ZNF280D: variants seen among roughly 807,000 people sequenced by gnomAD.
The protein encoded by ZNF280D is zinc finger protein 280D.
A neutral mutation model predicts 94.7 loss-of-function variants in ZNF280D; 39 were observed. The observed-to-expected ratio is 0.41, with a 90% CI of 0.32 to 0.54. The LOEUF (loss-of-function observed/expected upper bound fraction) is 0.54, where lower values mean the gene tolerates loss of function less well. ZNF280D is among the 20% of genes least tolerant of loss of function. ZNF280D has a pLI of 0.22. For synonymous variants in ZNF280D, 398 were observed against 377.6 expected, an observed-to-expected ratio of 1.05 and a Z score of -0.63; for missense variants, 1,090 against 1,149.3, an observed-to-expected ratio of 0.95 and a Z score of 0.75.
chr15:56,639,289 TAA>T (rs566066702), intron 20 of ZNF280D, among the ~76,000 whole-genome samples: 3 of 132,248 alleles, frequency 2.3e-5, no homozygotes, highest in African/African-American at 5.5e-5. Context: ...TTAAATGAGC[TAA>T]AAAAAAAAAA....
intron 17 of ZNF280D, among the ~76,000 whole-genome samples, chr15:56,655,603 A>C (rs1178182835): frequency 6.6e-6 from 1 of 152,252 alleles, no homozygotes; most frequent in Non-Finnish European, 1.5e-5. Context: ...TTTTGAGTAC[A>C]GGAAGAGTTT....
intron 13 of ZNF280D, among the ~76,000 whole-genome samples, chr15:56,669,887 AT>A (rs66535129): frequency 0.055 from 288 of 5,268 alleles, 39 homozygotes; most frequent in Non-Finnish European, 0.071. Context: ...ATATATATAT[AT>A]TATATATATA....
intron 1 of ZNF280D, among the ~76,000 whole-genome samples, chr15:56,715,076 A>G (rs556849821): frequency 2.0e-5 from 3 of 152,140 alleles, no homozygotes; most frequent in African/African-American, 7.2e-5. Flanking sequence ...TAAAAAAGTT[A>G]GCAAAATTTT....
chr15:56,637,350 ATT>A (rs11318323), intron 20 of ZNF280D, among the ~76,000 whole-genome samples: 152 of 147,806 alleles, frequency 1.0e-3, no homozygotes, highest in South Asian at 9.3e-3. Flanking sequence ...AGTTAAAAAC[ATT>A]TTTTTTTTTT....
intron 19 of ZNF280D, among the ~76,000 whole-genome samples, chr15:56,647,154 T>C (rs145460526): frequency 1.1e-4 from 17 of 152,200 alleles, no homozygotes; most frequent in East Asian, 1.9e-4. Flanking sequence ...AAGGTCTGTA[T>C]TGGTAGAAGA....
In ZNF280D at chr15:56,656,360, T is replaced by C. The variant is rs771358869; in HGVS notation, c.2058-1857A>G. On this transcript the variant is annotated intron_variant, in intron 17 of 21. Transcript: ENST00000267807. ...AATTGAACAATTTTCAATTTGAGACTAGCCAGGTTTAGTGAAAAAACATCC... is the reference window on the plus strand; with the variant it reads ...AATTGAACAATTTTCAATTTGAGACCAGCCAGGTTTAGTGAAAAAACATCC... Among the ~76,000 whole-genome samples, 3 of 152,326 alleles carry C rather than the reference T, an allele frequency of 2.0e-5. No homozygotes were observed. In the East Asian group the frequency reaches 5.8e-4, roughly 29 times the overall value.
At position 56,674,339 on chromosome 15, in the gene ZNF280D, A is replaced by C. The variant is rs528736929; in HGVS notation, c.1410+2331T>G. ...GCATCTCAATGCACTAAGGGTGATGAAGATACTTTTTTTTTATAACATTAT... is the reference window on the plus strand; with the variant it reads ...GCATCTCAATGCACTAAGGGTGATGCAGATACTTTTTTTTTATAACATTAT... On this transcript the variant is annotated intron_variant, in intron 13 of 21. Transcript: ENST00000267807. Among the ~76,000 whole-genome samples, 8 of 152,064 alleles carry C rather than the reference A, an allele frequency of 5.3e-5. No homozygotes were observed. In the South Asian group the frequency reaches 1.7e-3, roughly 32 times the overall value.
intron 1 of ZNF280D, chr15:56,732,554 A>G (rs2058944690): frequency 6.6e-6 from 1 of 152,194 alleles, no homozygotes; most frequent in Non-Finnish European, 1.5e-5. Context: ...ACTAAAAAAG[A>G]CAAATTCTGT....
chr15:56,678,694 C>T lies in ZNF280D; in HGVS notation c.1132G>A (p.Glu378Lys). The change falls in exon 11 of 22, where the codon GAA becomes AAA. Residue 378 changes from glutamate (E) to lysine (K), a missense_variant. By Grantham distance (56) the Glu-to-Lys change is moderately conservative (BLOSUM62 1). This residue lies in a region of ZNF280D where 127 missense variants were observed against 208.6 expected (regional missense o/e 0.61). Coordinates refer to ENST00000267807, the MANE Select transcript of ZNF280D (RefSeq NM_017661.4). ...PTPFQLQCHI[E>K]STHTPHEFST... ...AATTCATGGGGCGTATGTGTACTTT[C>T]GATGTGACACTGCAACTGAAATGGT... 2 of 1,612,016 alleles carry T rather than the reference C, an allele frequency of 1.2e-6. No homozygotes were observed. The highest frequency in any genetic ancestry group is 1.7e-6 in the Non-Finnish European group (2 of 1,179,140).
intron 12 of ZNF280D, 39 bp downstream of exon 12, chr15:56,677,535 A>C: frequency 2.1e-6 from 3 of 1,460,850 alleles, no homozygotes; most frequent in East Asian, 2.3e-5. Flanking sequence ...AACAACAAAC[A>C]AACCAAACAC....
intron 19 of ZNF280D, among the ~76,000 whole-genome samples, chr15:56,643,939 A>G (rs1433269880): frequency 3.3e-5 from 5 of 151,956 alleles, no homozygotes; most frequent in Admixed American, 3.3e-4. Context: ...AACCATCCTA[A>G]AAGCTACTCT....
chr15:56,662,733 A>G (rs1217619737), intron 16 of ZNF280D, among the ~76,000 whole-genome samples: 1 of 150,336 alleles, frequency 6.7e-6, no homozygotes, highest in Non-Finnish European at 1.5e-5. Context: ...CTGAGGCAGG[A>G]GAATTGCGTG....
At chr15:56,660,989 G>T (rs2053905248) in intron 16 of ZNF280D, among the ~76,000 whole-genome samples, 1 of 151,202 alleles carries the variant, frequency 6.6e-6, no homozygotes, top group South Asian at 2.1e-4. Flanking sequence ...GTGTTTGGGG[G>T]AGAAAGGGGA....
chr15:56,689,214 A>T, intron 8 of ZNF280D, 64 bp from the exon 9 acceptor site: 1 of 1,552,742 alleles, frequency 6.4e-7, no homozygotes, highest in Non-Finnish European at 8.7e-7. Context: ...AATAACCACT[A>T]ATAATACTTT....
At chr15:56,729,959 GTACA>G (rs1198549350) in intron 1 of ZNF280D, 3 of 152,018 alleles carry the variant, frequency 2.0e-5, no homozygotes, top group Non-Finnish European at 2.9e-5. Context: ...ATTTTTCTAA[GTACA>G]TACAAAGATA....
At chr15:56,687,137 G>A (rs1360317627) in intron 9 of ZNF280D, among the ~76,000 whole-genome samples, 2 of 151,992 alleles carry the variant, frequency 1.3e-5, no homozygotes, top group Non-Finnish European at 2.9e-5. Context: ...TCCCTTCCTA[G>A]ATTTGGAGAC....
chr15:56,732,651 G>A (rs1381845128), intron 1 of ZNF280D: 1 of 151,910 alleles, frequency 6.6e-6, no homozygotes, highest in Non-Finnish European at 1.5e-5. Flanking sequence ...TTTGGCCAAA[G>A]GTCTCCCGTG....
intron 7 of ZNF280D, among the ~76,000 whole-genome samples, chr15:56,691,165 A>C (rs2056400708): frequency 6.6e-6 from 1 of 152,180 alleles, no homozygotes; most frequent in African/African-American, 2.4e-5. Context: ...CTTACCTCAG[A>C]GGGGAAAAAT....
rs1358719731 is a variant in ZNF280D, at chr15:56,693,202, T to C, written c.395A>G (p.Asn132Ser). 7 of 1,581,430 alleles carry C rather than the reference T, an allele frequency of 4.4e-6. No individual in the cohort carries two copies. The highest frequency in any genetic ancestry group is 6.0e-6 in the Non-Finnish European group (7 of 1,162,830). ...CTTATTAGACACAACTCGTGATGAGTTTGTTATATAACCCTGTTAAATAGT... is the reference window on the plus strand; with the variant it reads ...CTTATTAGACACAACTCGTGATGAGCTTGTTATATAACCCTGTTAAATAGT... ...QPFSKPGYIT[N>S]SSRVVSNKSS... The change falls in exon 7 of 22, where the codon AAC (asparagine) becomes AGC (serine). Residue 132 changes from asparagine to serine, a missense_variant. Physicochemically the swap from Asn to Ser is conservative, Grantham distance 46. Transcript: ENST00000267807.
Sources: gnomAD v4.1 joint callset for allele counts (sites outside exome capture counted in the v4.1 genomes callset) on GRCh38, gnomAD v4.1.1 for gene constraint, gnomAD v4.1.1 regional missense constraint, MANE v1.5 for transcripts, NCBI Gene and HGNC (gene_info 2026-07-23, HGNC 2026-07-21) for gene names.